MSRA: variants seen among roughly 807,000 people sequenced by gnomAD.
MSRA encodes mitochondrial peptide methionine sulfoxide reductase.
MSRA carries 54 observed loss-of-function variants against 31.3 expected under a neutral mutation model. That is an observed-to-expected ratio of 1.73 (90% CI 1.39 to 2.17). The LOEUF is 2.17. MSRA is among the 30% of genes most tolerant of loss of function. The pLI is 0.00. For synonymous variants in MSRA, 169 were observed against 116.5 expected, an observed-to-expected ratio of 1.45 and a Z score of -2.90; for missense variants, 507 against 300.9, an observed-to-expected ratio of 1.69 and a Z score of -5.07.
intron 5 of MSRA, chr8:10,337,404 C>G: frequency 3.6e-6 from 1 of 275,868 alleles, no homozygotes; most frequent in Non-Finnish European, 7.0e-6. Flanking sequence ...TGATCTGGAT[C>G]TCCTGACCTC....
At chr8:10,082,364 G>A (rs534037983) in intron 1 of MSRA, among the ~76,000 whole-genome samples, 1 of 152,266 alleles carries the variant, frequency 6.6e-6, no homozygotes, top group South Asian at 2.1e-4. Context: ...TCTAACCCTG[G>A]TTATTCCTGC....
intron 3 of MSRA, among the ~76,000 whole-genome samples, chr8:10,270,485 AAGAAAG>A (rs1201732517): frequency 3.3e-5 from 5 of 152,224 alleles, no homozygotes; most frequent in African/African-American, 1.2e-4. Flanking sequence ...TAGTAATACA[AAGAAAG>A]AGAGTTTTGC....
intron 5 of MSRA, among the ~76,000 whole-genome samples, chr8:10,335,311 T>C (rs989606294): frequency 5.5e-5 from 8 of 144,250 alleles, no homozygotes; most frequent in Non-Finnish European, 9.0e-5. Context: ...TGTGACCCTT[T>C]CTACTCACAG....
chr8:10,191,233 CCCCA>C (rs1421659372), intron 1 of MSRA, among the ~76,000 whole-genome samples: 3 of 151,960 alleles, frequency 2.0e-5, no homozygotes, highest in African/African-American at 7.3e-5. Context: ...ATAGGAATAA[CCCCA>C]CCATCTTTTT....
chr8:10,371,736 C>T (rs1805489362), intron 5 of MSRA, among the ~76,000 whole-genome samples: 1 of 152,054 alleles, frequency 6.6e-6, no homozygotes, highest in Non-Finnish European at 1.5e-5. Context: ...TGTTGCAGTT[C>T]CTACCATGCA....
intron 2 of MSRA, among the ~76,000 whole-genome samples, chr8:10,227,613 C>G (rs552843797): frequency 1.3e-5 from 2 of 152,190 alleles, no homozygotes; most frequent in African/African-American, 4.8e-5. Context: ...GTATAAAGAA[C>G]CTGGAGCTGC....
At chr8:10,348,340 T>C (rs1027613644) in intron 5 of MSRA, among the ~76,000 whole-genome samples, 3 of 150,286 alleles carry the variant, frequency 2.0e-5, no homozygotes, top group Non-Finnish European at 3.0e-5. Context: ...TCCCAACTTA[T>C]ATCCAGAAAT....
chr8:10,256,073 G>A (rs1378145516), intron 3 of MSRA, among the ~76,000 whole-genome samples: 1 of 152,078 alleles, frequency 6.6e-6, no homozygotes, highest in Non-Finnish European at 1.5e-5. Context: ...CCACCATGAA[G>A]TTATTGTACA....
rs528988982 is a variant in MSRA at position 10,349,105 on chromosome 8, A to G, written c.543+29116A>G. 2.6e-5 allele frequency among the ~76,000 whole-genome samples: 4 copies of G among 152,376 alleles called. No individual in the cohort carries two copies. In the East Asian group the frequency reaches 5.8e-4, roughly 22 times the overall value. On this transcript the variant is annotated intron_variant, in intron 5 of 5. Coordinates refer to ENST00000317173, the MANE Select transcript of MSRA (RefSeq NM_012331.5). The stretch of plus-strand genomic sequence containing the variant: ...ATACATCTATTCATTCTAAAACATG[A>G]TTAGATAATGCAAATTATACATGAT...
intron 5 of MSRA, among the ~76,000 whole-genome samples, chr8:10,392,545 G>T (rs1013882854): frequency 6.6e-6 from 1 of 152,092 alleles, no homozygotes; most frequent in Non-Finnish European, 1.5e-5. Context: ...GGCCGATGAT[G>T]CTCTTTGTGT....
intron 1 of MSRA, among the ~76,000 whole-genome samples, chr8:10,167,531 G>C (rs1440239611): frequency 1.3e-5 from 2 of 152,168 alleles, no homozygotes; most frequent in Non-Finnish European, 2.9e-5. Context: ...GAATATGCCT[G>C]TGTGCGCCGC....
At chr8:10,253,905 C>A (rs533239948) in intron 3 of MSRA, among the ~76,000 whole-genome samples, 2 of 152,062 alleles carry the variant, frequency 1.3e-5, no homozygotes, top group African/African-American at 4.8e-5. Context: ...ACTGGCCCAT[C>A]CATCTGCCAA....
intron 5 of MSRA, among the ~76,000 whole-genome samples, chr8:10,380,567 A>G (rs1057174448): frequency 3.3e-5 from 5 of 152,258 alleles, no homozygotes; most frequent in African/African-American, 9.6e-5. Context: ...TTCCAGGGAC[A>G]GTCCAAGATA....
In MSRA at chr8:10,067,540, G is replaced by T. The variant is rs570583585; in HGVS notation, c.142+12882G>T. On this transcript the variant is annotated intron_variant, in intron 1 of 5. Coordinates refer to ENST00000317173, the MANE Select transcript of MSRA (RefSeq NM_012331.5). The stretch of plus-strand genomic sequence containing the variant: ...GGTCATAAGTTTTCAACTCATTTGG[G>T]TAAATGCCCAAAAGTGTGATTTCTG... 2.4e-3 allele frequency among the ~76,000 whole-genome samples: 370 copies of T among 152,218 alleles called. 2 individuals carry two copies. The highest frequency in any genetic ancestry group is 8.5e-3 in the African/African-American group (351 of 41,524).
intron 1 of MSRA, among the ~76,000 whole-genome samples, chr8:10,079,705 C>T (rs1471287381): frequency 1.3e-5 from 2 of 152,166 alleles, no homozygotes; most frequent in African/African-American, 4.8e-5. Flanking sequence ...CATTACAGCG[C>T]TCTTGGCTAT....
At chr8:10,145,424 G>T (rs1197508371) in intron 1 of MSRA, among the ~76,000 whole-genome samples, 7 of 152,180 alleles carry the variant, frequency 4.6e-5, no homozygotes, top group African/African-American at 1.7e-4. Context: ...CATCTCGCTT[G>T]TTGATTCAGG....
chr8:10,403,666 T>C (rs1457295495), intron 5 of MSRA, among the ~76,000 whole-genome samples: 1 of 152,172 alleles, frequency 6.6e-6, no homozygotes, highest in Non-Finnish European at 1.5e-5. Context: ...GGCTCATGGG[T>C]GCTTTGCACA....
chr8:10,146,085 G>T (rs978563308), intron 1 of MSRA, among the ~76,000 whole-genome samples: 1 of 152,190 alleles, frequency 6.6e-6, no homozygotes, highest in Non-Finnish European at 1.5e-5. Flanking sequence ...ATTCAGAGCT[G>T]AGTTAGAAAT....
At chr8:10,342,733 G>A (rs1438151545) in intron 5 of MSRA, among the ~76,000 whole-genome samples, 1 of 152,178 alleles carries the variant, frequency 6.6e-6, no homozygotes, top group Non-Finnish European at 1.5e-5. Flanking sequence ...ATGCTCCCAA[G>A]CTCACACAGC....
Sources: gnomAD v4.1 joint callset for allele counts (sites outside exome capture counted in the v4.1 genomes callset) on GRCh38, gnomAD v4.1.1 for gene constraint, MANE v1.5 for transcripts, NCBI Gene and HGNC (gene_info 2026-07-23, HGNC 2026-07-21) for gene names.